The following ARNT variants were observed in gnomAD, a reference collection of about 807,000 sequenced individuals.
ARNT encodes the protein class E basic helix-loop-helix protein 2.
In ARNT, 30 loss-of-function variants were observed where a neutral mutation model predicts 105.0. That is an observed-to-expected ratio of 0.29 (90% CI 0.21 to 0.39). ARNT has a LOEUF of 0.39. Among genes scored for constraint, ARNT ranks in the 10% least tolerant of loss-of-function variants. The pLI, the probability that ARNT is intolerant of heterozygous loss-of-function variation, is 1.00. For missense variants in ARNT, 748 were observed against 978.7 expected (o/e 0.76, Z 3.15); for synonymous variants, 304 against 344.0 (o/e 0.88, Z 1.29).
At chr1:150,816,653 T>A in intron 18 of ARNT, 135 bp downstream of exon 18, 1 of 1,065,542 alleles carries the variant, frequency 9.4e-7, no homozygotes, top group South Asian at 1.8e-5. Context: ...AGCAGCTTGT[T>A]TGCCTCACGC....
At chr1:150,839,967 A>T (rs992602902) in intron 5 of ARNT, among the ~76,000 whole-genome samples, 3 of 152,182 alleles carry the variant, frequency 2.0e-5, no homozygotes, top group Admixed American at 6.5e-5. Context: ...CAGGTCAGGC[A>T]TGGTGGCTCA....
At chr1:150,828,587 C>G (rs894576016) in intron 12 of ARNT, among the ~76,000 whole-genome samples, 1 of 152,038 alleles carries the variant, frequency 6.6e-6, no homozygotes, top group African/African-American at 2.4e-5. Context: ...TCTTTGTTTT[C>G]AAGACCTCTT....
chr1:150,838,583 C>T (rs1214026495), intron 6 of ARNT, among the ~76,000 whole-genome samples: 1 of 152,030 alleles, frequency 6.6e-6, no homozygotes, highest in Non-Finnish European at 1.5e-5. Flanking sequence ...TTTTCTCAAA[C>T]TATATTCTCT....
At position 150,834,843 on chromosome 1, in the gene ARNT, C is replaced by T. The variant is rs1421029207; in HGVS notation, c.701-203G>A. The T allele has an allele frequency of 1.0e-5, 5 of 486,966 alleles. No homozygotes were observed. The Admixed American group carries it at 1.3e-4, about 13-fold the overall frequency. The allele number at this position is 486,966 out of a possible 1,614,324, so 30.2% of individuals were successfully genotyped here. On this transcript the variant is annotated intron_variant, in intron 7 of 21. Transcript: ENST00000358595. Reference sequence around the variant, plus strand: ...CATCAATGAATCTCACTCTTAAGTTCAAAGGCAGCATTGAAAATAACATTG... The same window carrying T: ...CATCAATGAATCTCACTCTTAAGTTTAAAGGCAGCATTGAAAATAACATTG...
intron 1 of ARNT, among the ~76,000 whole-genome samples, chr1:150,872,199 C>T (rs951855043): frequency 1.3e-5 from 2 of 152,142 alleles, no homozygotes; most frequent in Non-Finnish European, 2.9e-5. Flanking sequence ...CTCAAGCAAT[C>T]GGCCTGCCTC....
At chr1:150,825,718 A>G (rs1032012993) in intron 13 of ARNT, among the ~76,000 whole-genome samples, 2 of 151,932 alleles carry the variant, frequency 1.3e-5, no homozygotes, top group Middle Eastern at 3.2e-3. Context: ...GCGTGGCAGC[A>G]TGTGCCTATA....
chr1:150,822,326 TG>T (rs1657268613), intron 14 of ARNT, among the ~76,000 whole-genome samples: 1 of 152,168 alleles, frequency 6.6e-6, no homozygotes, highest in Non-Finnish European at 1.5e-5. Context: ...AGCTTCAAGA[TG>T]GGGGCTCATC....
chr1:150,861,085 T>C (rs1237502702), intron 1 of ARNT, among the ~76,000 whole-genome samples: 1 of 152,038 alleles, frequency 6.6e-6, no homozygotes, highest in East Asian at 1.9e-4. Context: ...AAGATGACTA[T>C]TATCCAAAAA....
chr1:150,861,340 T>A (rs1307467895), intron 1 of ARNT: 25 of 369,558 alleles, frequency 6.8e-5, no homozygotes, highest in East Asian at 1.8e-4. Context: ...AAAAAAAAAA[T>A]TAAATTAAAA....
chr1:150,810,388 C>T lies in ARNT; in HGVS notation c.*1633G>A, dbSNP rs1185006918. ...CATTGGAAACTCAACTTTTTGGTTT[C>T]GTAAATTGTGATATAAATATATATG... On this transcript the variant is annotated 3_prime_UTR_variant, in exon 22 of 22. Coordinates refer to ENST00000358595, the MANE Select transcript of ARNT (RefSeq NM_001668.4). 9.4e-5 allele frequency: 21 copies of T among 222,758 alleles called. No homozygotes were observed. The highest frequency in any genetic ancestry group is 7.8e-4 in the East Asian group (12 of 15,412). The allele number at this position is 222,758 out of a possible 1,614,324, so 13.8% of individuals were successfully genotyped here.
intron 2 of ARNT, among the ~76,000 whole-genome samples, chr1:150,856,467 T>G (rs1449640805): frequency 6.7e-6 from 1 of 149,354 alleles, no homozygotes; most frequent in Non-Finnish European, 1.5e-5. Context: ...AATAAATAAA[T>G]AAAAGAAATA....
intron 2 of ARNT, among the ~76,000 whole-genome samples, chr1:150,854,825 C>T (rs1571424988): frequency 7.0e-6 from 1 of 142,052 alleles, no homozygotes; most frequent in East Asian, 2.0e-4. Flanking sequence ...CCACTGCACT[C>T]CAGCCTAGGC....
At chr1:150,861,941 C>T (rs1013721460) in intron 1 of ARNT, among the ~76,000 whole-genome samples, 1 of 152,146 alleles carries the variant, frequency 6.6e-6, no homozygotes, top group African/African-American at 2.4e-5. Context: ...AAGTATTCCA[C>T]ACACATTTAA....
chr1:150,820,307 A>G (rs1238511947), intron 14 of ARNT, among the ~76,000 whole-genome samples: 1 of 152,222 alleles, frequency 6.6e-6, no homozygotes, highest in Non-Finnish European at 1.5e-5. Context: ...GAAAGAGTTG[A>G]TACATAGAAT....
chr1:150,867,324 G>C (rs1380181632), intron 1 of ARNT, among the ~76,000 whole-genome samples: 2 of 151,732 alleles, frequency 1.3e-5, no homozygotes, highest in African/African-American at 4.8e-5. Flanking sequence ...GAGCTCAGCA[G>C]TTCAAGACCA....
At chr1:150,819,597 T>A (rs1056659112) in intron 14 of ARNT, among the ~76,000 whole-genome samples, 1 of 152,196 alleles carries the variant, frequency 6.6e-6, no homozygotes, top group African/African-American at 2.4e-5. Context: ...AATGAAGTAC[T>A]GATACATGCT....
Position 150,811,872 on chromosome 1 carries a change from AG to A in ARNT, c.*148del. 1 of 458,808 alleles carries A rather than the reference AG, an allele frequency of 2.2e-6. No individual in the cohort carries two copies. The highest frequency in any genetic ancestry group is 3.8e-6 in the Non-Finnish European group (1 of 265,746). The allele number at this position is 458,808 out of a possible 1,614,324, so 28.4% of individuals were successfully genotyped here. ...TGTTACCTTAGAGAGGCAACAGAGC[AG>A]GGGAACAGCCAGAAGGGAAAGGGGG... On this transcript the variant is annotated 3_prime_UTR_variant, in exon 22 of 22. Coordinates refer to ENST00000358595, the MANE Select transcript of ARNT (RefSeq NM_001668.4).
In ARNT at chr1:150,824,032, G is replaced by A. The variant is rs57974651; in HGVS notation, c.1243-687C>T. ...TAATTTTTGTATTTTTAGTATAGAC[G>A]GGGTTTCACCATGTTGGCCAGGATG... On this transcript the variant is annotated intron_variant, in intron 13 of 21. Coordinates refer to ENST00000358595, the MANE Select transcript of ARNT (RefSeq NM_001668.4). Among the ~76,000 whole-genome samples the A allele has an allele frequency of 8.7e-3, 1,309 of 150,560 alleles. 15 individuals carry two copies. The highest frequency in any genetic ancestry group is 0.03 in the African/African-American group (1,235 of 40,974).
At chr1:150,869,858 A>G (rs1176290561) in intron 1 of ARNT, among the ~76,000 whole-genome samples, 1 of 152,100 alleles carries the variant, frequency 6.6e-6, no homozygotes, top group East Asian at 1.9e-4. Context: ...CAGCCTGGAA[A>G]CTACTGTTCT....
Sources: gnomAD v4.1 joint callset for allele counts (sites outside exome capture counted in the v4.1 genomes callset) on GRCh38, gnomAD v4.1.1 for gene constraint, MANE v1.5 for transcripts, NCBI Gene and HGNC (gene_info 2026-07-23, HGNC 2026-07-21) for gene names.